MGAT4C: variants seen among roughly 807,000 people sequenced by gnomAD.
The protein encoded by MGAT4C is alpha-1,3-mannosyl-glycoprotein 4-beta-N-acetylglucosaminyltransferase C.
Under a neutral mutation model 40.1 loss-of-function variants are expected in MGAT4C, and 19 were observed. The ratio of observed to expected loss-of-function variants is 0.47; its 90% CI spans 0.33 to 0.70. MGAT4C has a LOEUF of 0.70. MGAT4C is among the 30% of genes least tolerant of loss of function. MGAT4C has a pLI of 0.02. For missense variants in MGAT4C, 491 were observed against 563.2 expected, an observed-to-expected ratio of 0.87 and a Z score of 1.30; for synonymous variants, 181 against 187.1, an observed-to-expected ratio of 0.97 and a Z score of 0.27.
chr12:86,481,573 A>AT (rs1394790509), intron 2 of MGAT4C, among the ~76,000 whole-genome samples: 1 of 152,046 alleles, frequency 6.6e-6, no homozygotes, highest in Non-Finnish European at 1.5e-5. Context: ...ATACATATAC[A>AT]TAAAGAATTA....
chr12:86,732,093 A>C (rs1321404658), intron 1 of MGAT4C, among the ~76,000 whole-genome samples: 1 of 152,196 alleles, frequency 6.6e-6, no homozygotes, highest in Non-Finnish European at 1.5e-5. Flanking sequence ...TGTGCTTTGA[A>C]AATATATGAA....
chr12:86,022,145 T>G (rs1889799063), intron 2 of MGAT4C, among the ~76,000 whole-genome samples: 1 of 152,256 alleles, frequency 6.6e-6, no homozygotes, highest in Non-Finnish European at 1.5e-5. Context: ...ACCAGATACC[T>G]GTGCTATGCA....
chr12:86,298,737 T>G (rs962301377), intron 4 of MGAT4C, among the ~76,000 whole-genome samples: 1 of 152,128 alleles, frequency 6.6e-6, no homozygotes, highest in Non-Finnish European at 1.5e-5. Flanking sequence ...AATAAAACAG[T>G]AATCATGGTA....
At chr12:86,196,109 CA>C (rs1949790162) in intron 1 of MGAT4C, among the ~76,000 whole-genome samples, 1 of 152,130 alleles carries the variant, frequency 6.6e-6, no homozygotes, top group Non-Finnish European at 1.5e-5. Flanking sequence ...TTTGGAAGTC[CA>C]AGATTAAGGT....
chr12:86,560,376 C>T (rs1324714545), intron 2 of MGAT4C, among the ~76,000 whole-genome samples: 1 of 151,712 alleles, frequency 6.6e-6, no homozygotes, highest in Non-Finnish European at 1.5e-5. Context: ...AACATAGATG[C>T]CAAAATCCTC....
intron 2 of MGAT4C, among the ~76,000 whole-genome samples, chr12:86,624,467 C>T (rs1287069690): frequency 6.6e-6 from 1 of 152,120 alleles, no homozygotes; most frequent in East Asian, 1.9e-4. Flanking sequence ...GACTTATTGG[C>T]TTAAAGCATT....
intron 4 of MGAT4C, among the ~76,000 whole-genome samples, chr12:86,271,352 C>T (rs969479544): frequency 3.9e-5 from 6 of 152,006 alleles, no homozygotes; most frequent in Non-Finnish European, 5.9e-5. Flanking sequence ...CATACAACAG[C>T]GGGCAAAGGA....
chr12:86,360,855 G>A lies in MGAT4C; in HGVS notation c.-119-26728C>T, dbSNP rs560510309. Reference sequence around the variant, plus strand: ...TAAAAGAGGATACAAACAAATGGACGAACGTTCCATGCTCATGGATAGGAA... The same window carrying A: ...TAAAAGAGGATACAAACAAATGGACAAACGTTCCATGCTCATGGATAGGAA... On this transcript the variant is annotated intron_variant, in intron 3 of 7. Coordinates refer to the MGAT4C transcript ENST00000548651. Among the ~76,000 whole-genome samples, 10 of 150,254 alleles carry A rather than the reference G, an allele frequency of 6.7e-5. No homozygotes were observed. The East Asian group carries it at 6.9e-4, about 10-fold the overall frequency.
chr12:86,488,670 G>C (rs147184210), intron 2 of MGAT4C, among the ~76,000 whole-genome samples: 3 of 152,030 alleles, frequency 2.0e-5, no homozygotes, highest in African/African-American at 7.2e-5. Context: ...ATGAGGAACC[G>C]TATTATTTCT....
chr12:86,356,140 A>G (rs1020287364), intron 3 of MGAT4C, among the ~76,000 whole-genome samples: 5 of 152,182 alleles, frequency 3.3e-5, no homozygotes, highest in Admixed American at 6.5e-5. Flanking sequence ...ATGTAGATGA[A>G]AGTCAAAAAA....
chr12:86,131,741 T>TG (rs1344224930), intron 1 of MGAT4C, among the ~76,000 whole-genome samples: 1 of 33,582 alleles, frequency 3.0e-5, no homozygotes, highest in Non-Finnish European at 5.0e-5. Flanking sequence ...TTATAAAAAC[T>TG]GGTTTTTTTT....
At chr12:86,271,307 T>C (rs961089364) in intron 4 of MGAT4C, among the ~76,000 whole-genome samples, 2 of 152,048 alleles carry the variant, frequency 1.3e-5, no homozygotes, top group African/African-American at 4.8e-5. Flanking sequence ...CTCAAACAAC[T>C]GAACAGGAAA....
chr12:86,191,218 A>G (rs1041654779), intron 1 of MGAT4C, among the ~76,000 whole-genome samples: 9 of 151,912 alleles, frequency 5.9e-5, no homozygotes, highest in Non-Finnish European at 1.3e-4. Flanking sequence ...AGACTCTTCA[A>G]AATAAATTTT....
chr12:86,742,972 T>C (rs1212059311), intron 1 of MGAT4C, among the ~76,000 whole-genome samples: 5 of 151,480 alleles, frequency 3.3e-5, no homozygotes, highest in Non-Finnish European at 5.9e-5. Flanking sequence ...GAAAAATGTG[T>C]TTATGTATAT....
chr12:86,770,794 T>C (rs1951619811), intron 1 of MGAT4C, among the ~76,000 whole-genome samples: 2 of 152,114 alleles, frequency 1.3e-5, no homozygotes, highest in Admixed American at 1.3e-4. Flanking sequence ...GAAAAAATAA[T>C]AATTTTGGAA....
rs570970980 is a variant in MGAT4C at position 86,492,493 on chromosome 12, G to A, written c.-228-57228C>T. On this transcript the variant is annotated intron_variant, in intron 2 of 7. Transcript: ENST00000548651. ...ACAGAGCCCTCAGAAATAACACCGCGTATCTACAGCTATCTGATCTTTGAC... is the reference window on the plus strand; with the variant it reads ...ACAGAGCCCTCAGAAATAACACCGCATATCTACAGCTATCTGATCTTTGAC... Among the ~76,000 whole-genome samples, 33 of 151,968 alleles carry A rather than the reference G, an allele frequency of 2.2e-4. No individual in the cohort carries two copies. The South Asian group carries it at 3.5e-3, about 16-fold the overall frequency.
At chr12:86,628,523 G>C (rs1236285517) in intron 2 of MGAT4C, among the ~76,000 whole-genome samples, 2 of 152,272 alleles carry the variant, frequency 1.3e-5, no homozygotes, top group Admixed American at 1.3e-4. Flanking sequence ...ACAAAGGGAA[G>C]CCCATCAGAC....
rs1883256642 is a variant in MGAT4C, at chr12:85,964,440, T to C, written c.*14849A>G. The C allele has an allele frequency of 6.6e-6, 1 of 152,140 alleles. No homozygotes were observed. The highest frequency in any genetic ancestry group is 6.5e-5 in the Admixed American group (1 of 15,276). The allele number at this position is 152,140 out of a possible 1,614,324, so 9.4% of individuals were successfully genotyped here. On this transcript the variant is annotated 3_prime_UTR_variant, in exon 5 of 5. Transcript: ENST00000611864. ...AGATTTTAATACCAGGATGAAATAA[T>C]AGTATCATTCTATTTCAGGTTCTTA...
At chr12:86,189,823 C>G (rs1439736794) in intron 1 of MGAT4C, among the ~76,000 whole-genome samples, 1 of 151,864 alleles carries the variant, frequency 6.6e-6, no homozygotes, top group Non-Finnish European at 1.5e-5. Flanking sequence ...TTTTGTATTC[C>G]CTCCAAAGTC....
Sources: allele counts gnomAD v4.1 joint callset (sites outside exome capture counted in the v4.1 genomes callset), GRCh38; gene constraint gnomAD v4.1.1; transcripts MANE v1.5; gene names NCBI Gene and HGNC (gene_info 2026-07-23, HGNC 2026-07-21).